RIF1: variants seen among roughly 807,000 people sequenced by gnomAD.
RIF1 encodes the protein replication timing regulatory factor 1.
RIF1 carries 45 observed loss-of-function variants against 247.1 expected under a neutral mutation model. The ratio of observed to expected loss-of-function variants is 0.18; its 90% CI spans 0.14 to 0.23. The LOEUF (loss-of-function observed/expected upper bound fraction) is 0.23, where lower values mean the gene tolerates loss of function less well. Among genes scored for constraint, RIF1 ranks in the 10% least tolerant of loss-of-function variants. The pLI, the probability that RIF1 is intolerant of heterozygous loss-of-function variation, is 1.00. For missense variants in RIF1, 2,967 were observed against 2,862.5 expected (o/e 1.04, Z -0.83); for synonymous variants, 1,087 against 978.8 (o/e 1.11, Z -2.06).
At chr2:151,513,957 T>G in the RIF1 span, among the ~76,000 whole-genome samples, 1 of 152,198 alleles carries the variant, frequency 6.6e-6, no homozygotes, top group African/African-American at 2.4e-5. Flanking sequence ...CTTAGAAGAT[T>G]AGAGTATAAA....
chr2:151,428,577 AAAGTTT>A (rs1689522818), intron 8 of RIF1, among the ~76,000 whole-genome samples: 2 of 152,154 alleles, frequency 1.3e-5, no homozygotes, highest in African/African-American at 2.4e-5. Context: ...ATGTGTGTTT[AAAGTTT>A]ATTTTCTTAT....
intron 1 of RIF1, 59 bp from the exon 2 acceptor site, chr2:151,410,355 C>A: frequency 7.1e-7 from 1 of 1,410,490 alleles, no homozygotes. Context: ...CACACTGGGC[C>A]GCCGCGGGGC....
intron 11 of RIF1, among the ~76,000 whole-genome samples, chr2:151,500,389 G>T (rs2063492885): frequency 6.6e-6 from 1 of 151,236 alleles, no homozygotes; most frequent in African/African-American, 2.4e-5. Context: ...GTGAACCTAA[G>T]GTCTTGATAT....
rs749977606 is a variant in RIF1, at chr2:151,492,448, G to A, written c.*416-2781G>A. Reference sequence around the variant, plus strand: ...CATCTCGGGGGTATCCAATACATAGGCAGCTTTGCCTTGTATTTGTTTCCG... The same window carrying A: ...CATCTCGGGGGTATCCAATACATAGACAGCTTTGCCTTGTATTTGTTTCCG... On this transcript the variant is annotated intron_variant and NMD_transcript_variant, in intron 9 of 13. Transcript: ENST00000454583. The A allele has an allele frequency of 1.6e-5, 25 of 1,612,906 alleles. No individual in the cohort carries two copies. The highest frequency in any genetic ancestry group is 1.9e-5 in the Non-Finnish European group (23 of 1,179,510).
chr2:151,490,429 C>T lies in RIF1; in HGVS notation c.*416-4800C>T, dbSNP rs563173814. 12 of 1,602,184 alleles carry T rather than the reference C, an allele frequency of 7.5e-6. No individual in the cohort carries two copies. The highest frequency in any genetic ancestry group is 5.1e-5 in the Admixed American group (3 of 58,800). ...TAAGTCGAAAGGTGGTGGTCTGGTG[C>T]TTCTGAATGCTCAGACTTCTCCTCA... On this transcript the variant is annotated intron_variant and NMD_transcript_variant, in intron 9 of 13. Transcript: ENST00000454583.
chr2:151,410,560 G>A, intron 2 of RIF1, 33 bp downstream of exon 2: 2 of 1,535,602 alleles, frequency 1.3e-6, no homozygotes, highest in Non-Finnish European at 1.8e-6. Context: ...GCGGAGAGTG[G>A]GGCGCTCTAT....
At position 151,464,394 on chromosome 2, in the gene RIF1, G is replaced by A. The variant is rs1418619193; in HGVS notation, c.4874G>A (p.Ser1625Asn). 3 of 1,612,226 alleles carry A rather than the reference G, an allele frequency of 1.9e-6. No individual in the cohort carries two copies. In the Admixed American group the frequency reaches 5.0e-5, roughly 27 times the overall value. ...CCGATTTGCGAAAAACAAGATGAAA[G>A]TAATACTGTAATATGTCAGGATTCT... ...KSPICEKQDESNTVICQDSTV... is the reference protein window; with the variant it reads ...KSPICEKQDENNTVICQDSTV... The change falls in exon 30 of 36, where the codon AGT (serine) becomes AAT (asparagine). Residue 1625 changes from serine (S) to asparagine (N), a missense_variant. This residue lies in a region of RIF1 where 2,028 missense variants were observed against 1,825.6 expected (regional missense o/e 1.11). Coordinates refer to ENST00000444746, the MANE Select transcript of RIF1 (RefSeq NM_018151.5).
At chr2:151,447,760 G>A (rs988670077) in intron 20 of RIF1, among the ~76,000 whole-genome samples, 2 of 152,098 alleles carry the variant, frequency 1.3e-5, no homozygotes, top group African/African-American at 4.8e-5. Context: ...GGCCAGGCTG[G>A]TCTCGAATTC....
chr2:151,533,512 T>G, the RIF1 span: 4 of 1,551,462 alleles, frequency 2.6e-6, no homozygotes, highest in South Asian at 4.8e-5. Context: ...ACATCCATGT[T>G]GCAGAAACAT....
rs116073834 is a variant in RIF1 at position 151,438,870 on chromosome 2, C to T, written c.1546+124C>T. The T allele has an allele frequency of 2.2e-3, 1,325 of 605,658 alleles. 1 individual carries two copies. Among genetic ancestry groups the T allele is most frequent in the Non-Finnish European group, 2.6e-3 (883 of 339,354 alleles). The allele number at this position is 605,658 out of a possible 1,614,324, so 37.5% of individuals were successfully genotyped here. Reference sequence around the variant, plus strand: ...ATTTTAAAAGTATTTCTTGCACTACCGTAGCTTCCAGTTTTTAATTTGTAG... The same window carrying T: ...ATTTTAAAAGTATTTCTTGCACTACTGTAGCTTCCAGTTTTTAATTTGTAG... On this transcript the variant is annotated intron_variant, in intron 14 of 35. Transcript: ENST00000444746.
At position 151,497,575 on chromosome 2, in the gene RIF1, A is replaced by G. The variant is rs572112088; in HGVS notation, c.*514-1770A>G. On this transcript the variant is annotated intron_variant and NMD_transcript_variant, in intron 10 of 13. Transcript: ENST00000454583. ...AATACGTATTATTTTAAATCATGAA[A>G]GTTTTCAAAATCATTAAATAAGTAG... is the stretch of plus-strand genomic sequence containing the variant. 28 of 1,536,816 alleles carry G rather than the reference A, an allele frequency of 1.8e-5. No homozygotes were observed. The African/African-American group carries it at 3.3e-4, about 18-fold the overall frequency.
intron 21 of RIF1, among the ~76,000 whole-genome samples, chr2:151,453,353 G>A (rs1205968377): frequency 1.3e-5 from 2 of 152,074 alleles, no homozygotes; most frequent in Non-Finnish European, 2.9e-5. Context: ...GAGGTGGGTG[G>A]ATCACCTGAG....
the RIF1 span, chr2:151,514,432 T>C: frequency 6.3e-7 from 1 of 1,586,974 alleles, no homozygotes; most frequent in East Asian, 2.2e-5. Flanking sequence ...ACTCTTTCTA[T>C]ATCATGAAAG....
intron 9 of RIF1, among the ~76,000 whole-genome samples, chr2:151,487,268 T>C (rs2051495814): frequency 6.6e-6 from 1 of 152,170 alleles, no homozygotes; most frequent in Admixed American, 6.5e-5. Context: ...AGTGTTAAAA[T>C]TGTAATAATT....
chr2:151,443,566 C>A lies in RIF1; in HGVS notation c.1843C>A (p.Leu615Ile). Residue 615 changes from leucine to isoleucine, a missense_variant, in exon 18 of 36, where the codon CTT becomes ATT. Around this residue, in one of 7 missense-constraint regions of RIF1, gnomAD observed 369 missense variants for 322.0 expected, o/e 1.15. Coordinates refer to ENST00000444746, the MANE Select transcript of RIF1 (RefSeq NM_018151.5). Reference sequence around the variant, plus strand: ...TTTGGAATCACTTGTAGGCTGTGTTCTTTCTGGTCCAACTTCACCACTAGC... The same window carrying A: ...TTTGGAATCACTTGTAGGCTGTGTTATTTCTGGTCCAACTTCACCACTAGC... ...LSLESLVGCV[L>I]SGPTSPLAFS... The A allele has an allele frequency of 6.2e-7, 1 of 1,607,910 alleles. No homozygotes were observed. Among genetic ancestry groups the A allele is most frequent in the Non-Finnish European group, 8.5e-7 (1 of 1,178,328 alleles).
downstream of RIF1, among the ~76,000 whole-genome samples, chr2:151,483,969 A>T (rs1328393384): frequency 6.6e-6 from 1 of 152,112 alleles, no homozygotes; most frequent in African/African-American, 2.4e-5. Context: ...AAGGCTGGGG[A>T]CCTGTGCTTT....
Position 151,458,863 on chromosome 2 carries a change from G to C in RIF1, c.2908G>C (p.Glu970Gln), listed in dbSNP as rs1157838772. The C allele has an allele frequency of 1.9e-6, 3 of 1,613,102 alleles. No individual in the cohort carries two copies. The highest frequency in any genetic ancestry group is 2.5e-6 in the Non-Finnish European group (3 of 1,179,458). The change falls in exon 25 of 36, where the codon GAA (glutamate) becomes CAA (glutamine). Residue 970 changes from glutamate (E) to glutamine (Q), a missense_variant. Coordinates refer to ENST00000444746, the MANE Select transcript of RIF1 (RefSeq NM_018151.5). ...QKFLLLLPGL[E>Q]TVEMMEESSG... is the part of the protein sequence containing the mutation. ...ATTTCTGCTCCTGTTGCCTGGTTTG[G>C]AAACTGTTGAAATGATGGAGGAATC...
At chr2:151,432,030 A>G (rs777592996) in intron 9 of RIF1, among the ~76,000 whole-genome samples, 8 of 152,104 alleles carry the variant, frequency 5.3e-5, no homozygotes, top group Non-Finnish European at 1.2e-4. Context: ...TTTATTCAGG[A>G]CGGAGTCTCA....
At chr2:151,458,050 T>C (rs540119983) in intron 24 of RIF1, 87 bp downstream of exon 24, 4 of 925,848 alleles carry the variant, frequency 4.3e-6, no homozygotes, top group African/African-American at 1.6e-5. Flanking sequence ...TCTTTTCTTA[T>C]GGGGTATTGT....
Sources: gnomAD v4.1 joint callset for allele counts (sites outside exome capture counted in the v4.1 genomes callset) on GRCh38, gnomAD v4.1.1 for gene constraint, gnomAD v4.1.1 regional missense constraint, MANE v1.5 for transcripts, NCBI Gene and HGNC (gene_info 2026-07-23, HGNC 2026-07-21) for gene names.